Variants in HERC1 observed in about 807,000 individuals in gnomAD.
HERC1 encodes probable E3 ubiquitin-protein ligase HERC1.
HERC1 carries 160 observed loss-of-function variants against 554.3 expected under a neutral mutation model. That is an observed-to-expected ratio of 0.29 (90% CI 0.25 to 0.33). The LOEUF (loss-of-function observed/expected upper bound fraction) is 0.33. HERC1 is among the 10% of genes least tolerant of loss of function. HERC1 has a pLI of 1.00. For synonymous variants in HERC1, 2,175 were observed against 2,131.7 expected (o/e 1.02, Z -0.56); for missense variants, 4,919 against 5,918.5 (o/e 0.83, Z 5.54).
At chr15:63,782,328 T>C (rs2076311849) in intron 1 of HERC1, among the ~76,000 whole-genome samples, 1 of 152,214 alleles carries the variant, frequency 6.6e-6, no homozygotes, top group Non-Finnish European at 1.5e-5. Context: ...AATGCTCTTT[T>C]ACATTCTGAA....
intron 48 of HERC1, among the ~76,000 whole-genome samples, chr15:63,656,595 G>T (rs569541167): frequency 3.8e-4 from 58 of 152,272 alleles, no homozygotes; most frequent in African/African-American, 1.3e-3. Context: ...AACTGACAAA[G>T]TAAAACAGGA....
At chr15:63,757,186 T>A (rs2075445116) in intron 4 of HERC1, among the ~76,000 whole-genome samples, 1 of 147,840 alleles carries the variant, frequency 6.8e-6, no homozygotes, top group South Asian at 2.1e-4. Flanking sequence ...CTAGCTGGGC[T>A]ACAAATGTAA....
chr15:63,823,517 A>G (rs1046319808), intron 1 of HERC1, among the ~76,000 whole-genome samples: 2 of 152,212 alleles, frequency 1.3e-5, no homozygotes, highest in African/African-American at 4.8e-5. Flanking sequence ...GCTGGGGGAA[A>G]GAACAGATCT....
intron 1 of HERC1, among the ~76,000 whole-genome samples, chr15:63,789,337 G>A (rs1254350463): frequency 1.3e-5 from 2 of 150,622 alleles, no homozygotes; most frequent in African/African-American, 4.9e-5. Context: ...TGATCCGCCC[G>A]CCTCGGCCTC....
At chr15:63,713,785 T>A (rs551516725) in intron 22 of HERC1, 120 bp from the exon 23 acceptor site, 1 of 771,294 alleles carries the variant, frequency 1.3e-6, no homozygotes, top group South Asian at 1.9e-5. Flanking sequence ...GAAAAATTAT[T>A]TTTTAGACAT....
At chr15:63,615,379 C>T (rs2067771422) in intron 76 of HERC1, among the ~76,000 whole-genome samples, 1 of 152,132 alleles carries the variant, frequency 6.6e-6, no homozygotes, top group Non-Finnish European at 1.5e-5. Context: ...GAAGCTGAGG[C>T]AGGTGGATCA....
At chr15:63,628,346 C>A (rs968638403) in intron 70 of HERC1, among the ~76,000 whole-genome samples, 1 of 152,152 alleles carries the variant, frequency 6.6e-6, no homozygotes, top group Non-Finnish European at 1.5e-5. Flanking sequence ...GCTGAGATCA[C>A]ACCACTGCAC....
chr15:63,644,954 A>G, intron 57 of HERC1, 38 bp downstream of exon 57: 2 of 1,447,360 alleles, frequency 1.4e-6, no homozygotes, highest in South Asian at 1.1e-5. Flanking sequence ...TATACTTTCC[A>G]TAGTTTCAGA....
intron 43 of HERC1, among the ~76,000 whole-genome samples, chr15:63,664,185 T>C (rs930386715): frequency 6.6e-6 from 1 of 152,180 alleles, no homozygotes; most frequent in Non-Finnish European, 1.5e-5. Context: ...TAAATTATAA[T>C]TGACTGAGAG....
Position 63,815,507 on chromosome 15 carries a change from C to T in HERC1, c.-27+18320G>A, listed in dbSNP as rs80056088. ...CCGTGCCTGGATGTAGTAAATGTTA[C>T]ATAGTGACTGATGAAGTCCTTTTCT... On this transcript the variant is annotated intron_variant, in intron 1 of 77. Transcript: ENST00000443617. Among the ~76,000 whole-genome samples the T allele has an allele frequency of 4.9e-3, 750 of 152,286 alleles. 7 individuals carry two copies. The highest frequency in any genetic ancestry group is 0.017 in the African/African-American group (722 of 41,562).
chr15:63,772,141 A>C (rs1273448217), intron 2 of HERC1, among the ~76,000 whole-genome samples: 1 of 151,998 alleles, frequency 6.6e-6, no homozygotes, highest in Non-Finnish European at 1.5e-5. Flanking sequence ...AAAGGGAAAA[A>C]GGAAAAATAT....
At chr15:63,648,814 A>G (rs527921077) in intron 54 of HERC1, among the ~76,000 whole-genome samples, 2 of 152,344 alleles carry the variant, frequency 1.3e-5, no homozygotes, top group South Asian at 2.1e-4. Flanking sequence ...GAACCCTATG[A>G]AAGTATTACC....
intron 43 of HERC1, among the ~76,000 whole-genome samples, chr15:63,664,057 G>A (rs2070489709): frequency 6.6e-6 from 1 of 152,154 alleles, no homozygotes; most frequent in Non-Finnish European, 1.5e-5. Flanking sequence ...TAGCAGTGAA[G>A]CCCTAACAAC....
chr15:63,830,286 ATT>A (rs1205977403), intron 1 of HERC1, among the ~76,000 whole-genome samples: 2 of 152,246 alleles, frequency 1.3e-5, no homozygotes, highest in Non-Finnish European at 2.9e-5. Context: ...AATATGATGC[ATT>A]GAGAAGGACA....
chr15:63,737,779 G>A (rs1455434656), intron 12 of HERC1, among the ~76,000 whole-genome samples: 2 of 151,724 alleles, frequency 1.3e-5, no homozygotes, highest in Non-Finnish European at 2.9e-5. Context: ...TTGCTATATA[G>A]CATCTAGAGA....
chr15:63,637,056 G>A (rs977604204), intron 64 of HERC1: 3 of 450,610 alleles, frequency 6.7e-6, no homozygotes, highest in South Asian at 1.6e-5. Flanking sequence ...TGAGCAAGCC[G>A]GGGGCTTGTA....
In HERC1 at chr15:63,694,595, A is replaced by G. The variant is rs2072297148; in HGVS notation, c.5243-46T>C. The G allele has an allele frequency of 3.3e-6, 5 of 1,521,610 alleles. No homozygotes were observed. Among genetic ancestry groups the G allele is most frequent in the Non-Finnish European group, 4.5e-6 (5 of 1,103,744 alleles). 94.3% of individuals were successfully genotyped at this position (1,521,610 alleles called of 1,614,324 possible). A position where few individuals can be genotyped will look rare whatever the true frequency, so the allele number is the denominator to read the frequency against. On this transcript the variant is annotated intron_variant, in intron 28 of 77. Transcript: ENST00000443617. This position sits in a 1 kb window ranked among gnomAD's most constrained non-coding sequence, Gnocchi z 4.3. ...TAAGAATCTTCCTTTCAGTAAACAA[A>G]GCATTTATTAAAATGAATAATTTTC...
Position 63,628,561 on chromosome 15 carries a change from A to G in HERC1, c.13105+116T>C, listed in dbSNP as rs1471418016. The G allele has an allele frequency of 7.8e-5, 85 of 1,086,626 alleles. 4 individuals are homozygous for G. The Middle Eastern group carries it at 1.2e-3, about 16-fold the overall frequency. 67.3% of individuals were successfully genotyped at this position (1,086,626 alleles called of 1,614,324 possible). On this transcript the variant is annotated intron_variant, in intron 70 of 77. Transcript: ENST00000443617. ...GCACAAAGAATGCTTTGTGTGGCAG[A>G]AGGCTTGATGGTTTCACAACGATGC... is the stretch of plus-strand genomic sequence containing the variant.
intron 1 of HERC1, among the ~76,000 whole-genome samples, chr15:63,819,791 T>A (rs950623862): frequency 6.6e-6 from 1 of 152,216 alleles, no homozygotes; most frequent in African/African-American, 2.4e-5. Flanking sequence ...GTCTATGCTC[T>A]GCCCCCGCTA....
Sources: gnomAD v4.1 joint callset for allele counts (sites outside exome capture counted in the v4.1 genomes callset) on GRCh38, gnomAD v4.1.1 for gene constraint, Gnocchi (gnomAD v3.1) non-coding constraint, MANE v1.5 for transcripts, NCBI Gene and HGNC (gene_info 2026-07-23, HGNC 2026-07-21) for gene names.